Variants in THSD4 observed in about 807,000 individuals in gnomAD.
The protein encoded by THSD4 is thrombospondin type 1 domain containing 4.
THSD4 carries 69 observed loss-of-function variants against 119.0 expected under a neutral mutation model. That is an observed-to-expected ratio of 0.58 (90% CI 0.48 to 0.71). The LOEUF (loss-of-function observed/expected upper bound fraction) is 0.71. Among genes scored for constraint, THSD4 ranks in the 30% least tolerant of loss-of-function variants. The pLI, the probability that THSD4 is intolerant of heterozygous loss-of-function variation, is 0.00. For missense variants in THSD4, 1,393 were observed against 1,391.1 expected (o/e 1.00, Z -0.02); for synonymous variants, 524 against 540.4 (o/e 0.97, Z 0.42).
At chr15:71,430,151 A>G (rs2046922574) in intron 7 of THSD4, among the ~76,000 whole-genome samples, 1 of 152,160 alleles carries the variant, frequency 6.6e-6, no homozygotes, top group African/African-American at 2.4e-5. Flanking sequence ...GGCCTTAGGA[A>G]AAAAGAAATT....
chr15:71,563,123 A>G (rs562119705), intron 7 of THSD4, among the ~76,000 whole-genome samples: 36 of 152,230 alleles, frequency 2.4e-4, no homozygotes, highest in Admixed American at 2.0e-3. Context: ...ACCATCTCTT[A>G]TATCCCACAT....
chr15:71,268,127 A>T (rs2044484238), intron 6 of THSD4, among the ~76,000 whole-genome samples: 1 of 152,130 alleles, frequency 6.6e-6, no homozygotes, highest in Non-Finnish European at 1.5e-5. Context: ...ACATCTACAG[A>T]ACTCTCCACC....
intron 7 of THSD4, among the ~76,000 whole-genome samples, chr15:71,621,018 G>A (rs2140927431): frequency 6.6e-6 from 1 of 152,140 alleles, no homozygotes; most frequent in South Asian, 2.1e-4. Flanking sequence ...ATGATTTCTG[G>A]GGTCCTTTGC....
chr15:71,497,759 T>C (rs913706227), intron 7 of THSD4, among the ~76,000 whole-genome samples: 1 of 152,186 alleles, frequency 6.6e-6, no homozygotes, highest in Admixed American at 6.5e-5. Context: ...AGAATTTTTT[T>C]TTCCTGTTTA....
intron 7 of THSD4, among the ~76,000 whole-genome samples, chr15:71,448,826 T>C (rs1490382862): frequency 6.6e-6 from 1 of 152,170 alleles, no homozygotes; most frequent in Non-Finnish European, 1.5e-5. Context: ...TCACTGATAA[T>C]ATTAACTGCC....
intron 7 of THSD4, among the ~76,000 whole-genome samples, chr15:71,580,483 T>C (rs1243744570): frequency 3.3e-5 from 5 of 152,156 alleles, no homozygotes; most frequent in African/African-American, 4.8e-5. Context: ...TTTGTGTGGG[T>C]GTGTGTGGTG....
chr15:71,602,577 AAAAT>A (rs2050033785), intron 7 of THSD4, among the ~76,000 whole-genome samples: 1 of 146,120 alleles, frequency 6.8e-6, no homozygotes, highest in Non-Finnish European at 1.5e-5. Flanking sequence ...AAAAAAAAAA[AAAAT>A]GAAAAAGAAA....
chr15:71,762,682 T>C (rs548824997), intron 15 of THSD4, among the ~76,000 whole-genome samples: 66 of 152,264 alleles, frequency 4.3e-4, no homozygotes, highest in African/African-American at 1.5e-3. Flanking sequence ...TTCCATTGCC[T>C]GCAGCACTTG....
At chr15:71,663,986 CT>C (rs899701551) in intron 8 of THSD4, among the ~76,000 whole-genome samples, 53 of 146,784 alleles carry the variant, frequency 3.6e-4, no homozygotes, top group Middle Eastern at 3.6e-3. Context: ...GATTCCAGAA[CT>C]TTTTTTTTTT....
At chr15:71,671,968 G>T (rs1246997468) in intron 8 of THSD4, among the ~76,000 whole-genome samples, 1 of 152,150 alleles carries the variant, frequency 6.6e-6, no homozygotes, top group Non-Finnish European at 1.5e-5. Context: ...GGCAATGCGG[G>T]CTCTTTTTTG....
rs191257275 is a variant in THSD4, at chr15:71,304,578, G to T, written c.1015+47863G>T. Among the ~76,000 whole-genome samples, 26 of 152,190 alleles carry T rather than the reference G, an allele frequency of 1.7e-4. No homozygotes were observed. In the East Asian group the frequency reaches 1.7e-3, roughly 10 times the overall value. ...CTTTCTTGTTTTTCCCCAATCGGAA[G>T]ATTCGGTCGGTATTTCCCCCAGGGG... On this transcript the variant is annotated intron_variant, in intron 6 of 17. Transcript: ENST00000261862.
intron 1 of THSD4, among the ~76,000 whole-genome samples, chr15:71,100,269 T>C (rs1014294813): frequency 6.6e-6 from 1 of 152,216 alleles, no homozygotes; most frequent in African/African-American, 2.4e-5. Context: ...GATTGTGCTA[T>C]CTAAGATTGT....
intron 4 of THSD4, among the ~76,000 whole-genome samples, chr15:71,217,794 T>C (rs2140252611): frequency 6.6e-6 from 1 of 150,532 alleles, no homozygotes; most frequent in Non-Finnish European, 1.5e-5. Context: ...CTGTTCTTTT[T>C]TTTTTTTTTT....
chr15:71,394,473 A>T (rs1229955299), intron 6 of THSD4, among the ~76,000 whole-genome samples: 1 of 152,062 alleles, frequency 6.6e-6, no homozygotes, highest in Non-Finnish European at 1.5e-5. Flanking sequence ...GTGTTTCACC[A>T]TGTTAGCCGG....
chr15:71,140,010 C>T (rs530504388), intron 1 of THSD4, among the ~76,000 whole-genome samples: 2 of 152,214 alleles, frequency 1.3e-5, no homozygotes, highest in African/African-American at 4.8e-5. Flanking sequence ...ACTATTGGCT[C>T]ACTTGACAAT....
chr15:71,750,592 T>C (rs997471352), intron 14 of THSD4, among the ~76,000 whole-genome samples: 1 of 152,204 alleles, frequency 6.6e-6, no homozygotes, highest in Non-Finnish European at 1.5e-5. Context: ...TCATGGCATA[T>C]GGCCCCTGCC....
At chr15:71,631,751 G>C (rs2050633097) in intron 7 of THSD4, among the ~76,000 whole-genome samples, 1 of 152,170 alleles carries the variant, frequency 6.6e-6, no homozygotes, top group Non-Finnish European at 1.5e-5. Flanking sequence ...GTGTTGGCTG[G>C]GGTCTTGTGA....
chr15:71,552,673 G>T (rs2048950907), intron 7 of THSD4, among the ~76,000 whole-genome samples: 1 of 152,224 alleles, frequency 6.6e-6, no homozygotes, highest in Non-Finnish European at 1.5e-5. Context: ...TTGAGACAGA[G>T]TCTCACCCTG....
At chr15:71,520,450 C>T (rs947437475) in intron 7 of THSD4, among the ~76,000 whole-genome samples, 1 of 152,176 alleles carries the variant, frequency 6.6e-6, no homozygotes, top group Admixed American at 6.5e-5. Flanking sequence ...AGGGCCTCCT[C>T]ACTGGGATTG....
Sources: allele counts gnomAD v4.1 joint callset (sites outside exome capture counted in the v4.1 genomes callset), GRCh38; gene constraint gnomAD v4.1.1; transcripts MANE v1.5; gene names NCBI Gene and HGNC (gene_info 2026-07-23, HGNC 2026-07-21).